CPLANE1: variants seen among roughly 807,000 people sequenced by gnomAD.
CPLANE1 encodes ciliogenesis and planar polarity effector complex subunit 1, also known as ciliogenesis and planar polarity effector 1.
Under a neutral mutation model 362.5 loss-of-function variants are expected in CPLANE1, and 263 were observed. The ratio of observed to expected loss-of-function variants is 0.73; its 90% confidence interval spans 0.66 to 0.80. CPLANE1 has a LOEUF of 0.80. CPLANE1 is among the 30% of genes least tolerant of loss of function. The probability of loss-of-function intolerance (pLI) is 0.00; values close to 1 mark genes in which losing one functional copy is unlikely to be tolerated. For missense variants in CPLANE1, 3,461 were observed against 3,793.4 expected, an observed-to-expected ratio of 0.91 and a Z score of 2.30; for synonymous variants, 1,212 against 1,302.6, an observed-to-expected ratio of 0.93 and a Z score of 1.50.
the CPLANE1 span, chr5:37,085,653 G>C: frequency 1.5e-5 from 16 of 1,047,696 alleles, no homozygotes; most frequent in Non-Finnish European, 2.4e-5. Flanking sequence ...ATCACCAACA[G>C]AGAGAGGCAC....
chr5:37,224,799 C>G, intron 12 of CPLANE1, 59 bp from the exon 13 acceptor site: 1 of 1,193,006 alleles, frequency 8.4e-7, no homozygotes. Context: ...TGAGTTTAGC[C>G]TCCTTTTTAG....
intron 16 of CPLANE1, among the ~76,000 whole-genome samples, chr5:37,207,629 G>A (rs1266001319): frequency 6.6e-6 from 1 of 152,098 alleles, no homozygotes; most frequent in East Asian, 1.9e-4. Context: ...ACAGAACATA[G>A]GAGTTTGAAC....
the CPLANE1 span, among the ~76,000 whole-genome samples, chr5:37,097,397 T>C: frequency 6.6e-6 from 1 of 151,928 alleles, no homozygotes; most frequent in Admixed American, 6.6e-5. Flanking sequence ...CAACCAAATA[T>C]ATGGATTTCA....
At chr5:37,186,128 T>C (rs1447167144) in intron 24 of CPLANE1, among the ~76,000 whole-genome samples, 158 bp downstream of exon 24, 1 of 152,222 alleles carries the variant, frequency 6.6e-6, no homozygotes, top group East Asian at 1.9e-4. Flanking sequence ...GATTAGTCTT[T>C]CTGCAATGGA....
intron 21 of CPLANE1, among the ~76,000 whole-genome samples, chr5:37,195,614 T>A (rs1787158396): frequency 1.3e-5 from 2 of 150,884 alleles, no homozygotes; most frequent in Admixed American, 6.6e-5. Context: ...AAAAAAAAAA[T>A]TCAGTTAAAT....
intron 21 of CPLANE1, among the ~76,000 whole-genome samples, chr5:37,191,630 C>T (rs745930903): frequency 2.4e-4 from 36 of 152,092 alleles, no homozygotes; most frequent in Non-Finnish European, 4.4e-4. Context: ...AAGATGGCAC[C>T]AATGCACTCC....
chr5:37,148,231 G>A lies in CPLANE1; in HGVS notation c.8411C>T (p.Pro2804Leu). ...PVDHIEFSSG[P>L]EFKKTLASKT... The stretch of plus-strand genomic sequence containing the variant: ...TGAAGCTAATGTTTTTTTGAATTCA[G>A]GGCCAGAAGAGAATTCAATGTGATC... Residue 2804 changes from proline to leucine, a missense_variant, in exon 43 of 53, where the codon CCT (proline) becomes CTT (leucine). By Grantham distance (98) the Pro-to-Leu change is moderately conservative. Around this residue, in one of 2 missense-constraint regions of CPLANE1, gnomAD observed 3,380 missense variants for 3,666.1 expected, o/e 0.92. Transcript: ENST00000651892. The A allele has an allele frequency of 6.2e-7, 1 of 1,611,840 alleles. No individual in the cohort carries two copies. The highest frequency in any genetic ancestry group is 8.5e-7 in the Non-Finnish European group (1 of 1,178,816).
chr5:37,157,918 T>A (rs1323744740), intron 39 of CPLANE1, 50 bp from the exon 40 acceptor site: 1 of 800,526 alleles, frequency 1.2e-6, no homozygotes, highest in Non-Finnish European at 1.8e-6. Context: ...TTTTACTCTA[T>A]GTGGTCACTC....
chr5:37,129,536 C>T (rs562244108), intron 46 of CPLANE1, among the ~76,000 whole-genome samples: 5 of 152,108 alleles, frequency 3.3e-5, no homozygotes, highest in Middle Eastern at 3.4e-3. Context: ...ATACAAGGAA[C>T]TCAAACAAAT....
intron 44 of CPLANE1, chr5:37,141,398 C>G: frequency 5.1e-6 from 5 of 985,362 alleles, no homozygotes; most frequent in Non-Finnish European, 6.0e-6. Context: ...AAACAAGATT[C>G]TCAGATGCTT....
At chr5:37,222,138 G>C (rs1489696146) in intron 14 of CPLANE1, among the ~76,000 whole-genome samples, 1 of 152,056 alleles carries the variant, frequency 6.6e-6, no homozygotes, top group Non-Finnish European at 1.5e-5. Flanking sequence ...TTCTTTCTGA[G>C]TAAAATAATA....
At chr5:37,139,453 A>G (rs1318435790) in intron 44 of CPLANE1, 83 bp from the exon 45 acceptor site, 1 of 1,087,854 alleles carries the variant, frequency 9.2e-7, no homozygotes, top group Non-Finnish European at 1.2e-6. Flanking sequence ...TTATATAACC[A>G]GAAATTAAAT....
At position 37,241,252 on chromosome 5, in the gene CPLANE1, G is replaced by C. The variant is rs185456010; in HGVS notation, c.678-1383C>G. 3.4e-3 allele frequency among the ~76,000 whole-genome samples: 518 copies of C among 152,276 alleles called. 2 individuals are homozygous for C. The highest frequency in any genetic ancestry group is 0.012 in the African/African-American group (498 of 41,564). On this transcript the variant is annotated intron_variant, in intron 6 of 52. Transcript: ENST00000651892. ...GCAGATCATTTGAGGTCAGGGGTTC[G>C]AGACCAGTCTGGCCAACATGGCGAA...
the CPLANE1 span, among the ~76,000 whole-genome samples, chr5:37,086,802 A>T: frequency 6.6e-6 from 1 of 152,212 alleles, no homozygotes; most frequent in Non-Finnish European, 1.5e-5. Flanking sequence ...TGGAATGACA[A>T]GCATAATATC....
chr5:37,093,868 C>T, the CPLANE1 span, among the ~76,000 whole-genome samples: 3 of 152,184 alleles, frequency 2.0e-5, no homozygotes, highest in Admixed American at 2.0e-4. Flanking sequence ...AGAGTTATGG[C>T]TGAAGGCAGC....
chr5:37,178,775 T>A (rs867959466), intron 29 of CPLANE1, among the ~76,000 whole-genome samples: 1 of 151,832 alleles, frequency 6.6e-6, no homozygotes, highest in Non-Finnish European at 1.5e-5. Context: ...TTTTTTTTTT[T>A]AAAAGACAGG....
intron 9 of CPLANE1, among the ~76,000 whole-genome samples, chr5:37,228,227 GAGA>G (rs959984844): frequency 2.0e-5 from 3 of 152,190 alleles, no homozygotes; most frequent in East Asian, 1.9e-4. Context: ...GAAAAAAGTT[GAGA>G]AGATTTGGAG....
chr5:37,104,275 T>A (rs534318825), downstream of CPLANE1, among the ~76,000 whole-genome samples: 10 of 152,182 alleles, frequency 6.6e-5, no homozygotes, highest in Non-Finnish European at 1.5e-4. Context: ...AGTTTTATCA[T>A]GGTTCTTAGA....
At chr5:37,235,891 C>T (rs1798879748) in intron 8 of CPLANE1, among the ~76,000 whole-genome samples, 1 of 122,152 alleles carries the variant, frequency 8.2e-6, no homozygotes. Flanking sequence ...TTTTTTTGGA[C>T]AGAGTTTCAC....
Sources: gnomAD v4.1 joint callset for allele counts (sites outside exome capture counted in the v4.1 genomes callset) on GRCh38, gnomAD v4.1.1 for gene constraint, gnomAD v4.1.1 regional missense constraint, MANE v1.5 for transcripts, NCBI Gene and HGNC (gene_info 2026-07-23, HGNC 2026-07-21) for gene names.